The following TBC1D9 variants were observed in gnomAD, a reference collection of about 807,000 sequenced individuals.
TBC1D9 encodes the protein TBC1 domain family member 9A.
Under a neutral mutation model 132.0 loss-of-function variants are expected in TBC1D9, and 63 were observed. The observed-to-expected ratio is 0.48, with a 90% CI of 0.39 to 0.59. The LOEUF (loss-of-function observed/expected upper bound fraction) is 0.59. Ranked by LOEUF, TBC1D9 falls within the 20% of genes least tolerant of loss-of-function variation. TBC1D9 has a pLI of 0.00. For synonymous variants in TBC1D9, 610 were observed against 609.9 expected (o/e 1.00, Z 0.00); for missense variants, 1,261 against 1,592.7 (o/e 0.79, Z 3.54).
At chr4:140,697,676 A>C (rs60789633) in intron 2 of TBC1D9, among the ~76,000 whole-genome samples, 78,220 of 152,116 alleles carry the variant, frequency 0.51, 23,002 homozygotes, top group African/African-American at 0.81. Context: ...TTTGTAACAT[A>C]CAATTCTATC....
At chr4:140,735,426 T>C (rs938204085) in intron 1 of TBC1D9, among the ~76,000 whole-genome samples, 2 of 152,202 alleles carry the variant, frequency 1.3e-5, no homozygotes, top group Non-Finnish European at 2.9e-5. Context: ...TAAGCATATA[T>C]GTCAGCTGGG....
chr4:140,747,244 T>A (rs1738850882), intron 1 of TBC1D9, among the ~76,000 whole-genome samples: 1 of 151,602 alleles, frequency 6.6e-6, no homozygotes, highest in South Asian at 2.1e-4. Context: ...CCTAGCTACT[T>A]GGGAGGCTGA....
chr4:140,667,514 G>T (rs1417007470), intron 9 of TBC1D9, among the ~76,000 whole-genome samples: 1 of 152,220 alleles, frequency 6.6e-6, no homozygotes, highest in Non-Finnish European at 1.5e-5. Flanking sequence ...GAAAAGACTG[G>T]ATGGTAATGA....
chr4:140,691,149 T>A (rs1327049112), intron 2 of TBC1D9, among the ~76,000 whole-genome samples: 2 of 152,096 alleles, frequency 1.3e-5, no homozygotes, highest in Non-Finnish European at 2.9e-5. Flanking sequence ...GAATTCACCA[T>A]CACCATCTGA....
intron 1 of TBC1D9, among the ~76,000 whole-genome samples, chr4:140,707,568 T>C (rs28408341): frequency 0.075 from 11,484 of 152,222 alleles, 529 homozygotes; most frequent in Middle Eastern, 0.13. Flanking sequence ...TGCTGCTCCT[T>C]AGATGTAAGT....
At chr4:140,741,009 T>C (rs6844563) in intron 1 of TBC1D9, among the ~76,000 whole-genome samples, 49,287 of 151,966 alleles carry the variant, frequency 0.32, 8,644 homozygotes, top group East Asian at 0.56. Context: ...ACTTCAAAAG[T>C]AAACTGAAAA....
Position 140,628,135 on chromosome 4 carries a change from T to C in TBC1D9, c.2812+165A>G, listed in dbSNP as rs540873446. On this transcript the variant is annotated intron_variant, in intron 17 of 20. Coordinates refer to ENST00000442267, the MANE Select transcript of TBC1D9 (RefSeq NM_015130.3). Reference sequence around the variant, plus strand: ...GTAAATGACTATACAATCAAGTGCATGCTGATTCAAGAACTTATGGAAATT... The same window carrying C: ...GTAAATGACTATACAATCAAGTGCACGCTGATTCAAGAACTTATGGAAATT... Among the ~76,000 whole-genome samples, 3 of 152,356 alleles carry C rather than the reference T, an allele frequency of 2.0e-5. No homozygotes were observed. The East Asian group carries it at 5.8e-4, about 29-fold the overall frequency.
chr4:140,696,174 C>T (rs980619798), intron 2 of TBC1D9, among the ~76,000 whole-genome samples: 51 of 131,044 alleles, frequency 3.9e-4, no homozygotes, highest in African/African-American at 1.4e-3. Context: ...AAAAAAGAGG[C>T]GGGCCAGGCG....
At chr4:140,665,845 T>TA (rs1201024957) in intron 9 of TBC1D9, among the ~76,000 whole-genome samples, 2 of 150,904 alleles carry the variant, frequency 1.3e-5, no homozygotes, top group African/African-American at 4.9e-5. Flanking sequence ...CCCAGCTAGT[T>TA]AAAAAAAAAA....
chr4:140,648,939 G>A lies in TBC1D9; in HGVS notation c.2337+8158C>T, dbSNP rs556864288. On this transcript the variant is annotated intron_variant, in intron 13 of 20. Transcript: ENST00000442267. ...TCCCACCCCACCATCATTCCTGAGC[G>A]GAACAAGAGTTCCCCTGCCCAGGCT... Among the ~76,000 whole-genome samples, 9 of 152,246 alleles carry A rather than the reference G, an allele frequency of 5.9e-5. No individual in the cohort carries two copies. The East Asian group carries it at 9.7e-4, about 16-fold the overall frequency.
At position 140,622,229 on chromosome 4, in the gene TBC1D9, G is replaced by C; in HGVS notation, c.3767C>G (p.Ala1256Gly). The C allele has an allele frequency of 6.3e-7, 1 of 1,592,540 alleles. No individual in the cohort carries two copies. Among genetic ancestry groups the C allele is most frequent in the Non-Finnish European group, 8.6e-7 (1 of 1,162,252 alleles). Residue 1256 changes from alanine (A) to glycine (G), a missense_variant, in exon 21 of 21, where the codon GCC (alanine) becomes GGC (glycine). Physicochemically the swap from Ala to Gly is moderately conservative, Grantham distance 60. Around this residue, in one of 3 missense-constraint regions of TBC1D9, gnomAD observed 618 missense variants for 724.4 expected, o/e 0.85. Coordinates refer to ENST00000442267, the MANE Select transcript of TBC1D9 (RefSeq NM_015130.3). ...CATGGCCGAGATTTCATAGTCACTGGCCGAGGTGAGGGGCTTGCCCATCAT... is the reference window on the plus strand; with the variant it reads ...CATGGCCGAGATTTCATAGTCACTGCCCGAGGTGAGGGGCTTGCCCATCAT... The part of the protein sequence containing the change: ...IRMMGKPLTS[A>G]SDYEISAMSG
At chr4:140,644,661 G>T in intron 13 of TBC1D9, 1 of 418,892 alleles carries the variant, frequency 2.4e-6, no homozygotes. Context: ...CCAGGGCCTG[G>T]GCCGCCCGCT....
At chr4:140,667,548 T>C (rs894645372) in intron 9 of TBC1D9, among the ~76,000 whole-genome samples, 1 of 152,180 alleles carries the variant, frequency 6.6e-6, no homozygotes, top group Non-Finnish European at 1.5e-5. Context: ...GAATTATAAT[T>C]AGAGATGAGT....
chr4:140,623,329 A>G (rs796395402), intron 20 of TBC1D9, among the ~76,000 whole-genome samples: 16 of 152,230 alleles, frequency 1.1e-4, no homozygotes, highest in African/African-American at 3.9e-4. Context: ...TGGCCTCCCA[A>G]AGTGCTGGAA....
intron 1 of TBC1D9, among the ~76,000 whole-genome samples, chr4:140,708,197 A>T (rs1039193015): frequency 3.3e-5 from 5 of 152,200 alleles, no homozygotes; most frequent in African/African-American, 9.7e-5. Context: ...CCAATATTAT[A>T]AGTTCTAGCA....
chr4:140,631,825 G>A (rs1045741826), intron 16 of TBC1D9, among the ~76,000 whole-genome samples: 5 of 152,070 alleles, frequency 3.3e-5, no homozygotes, highest in East Asian at 1.9e-4. Context: ...TTGAACTCCC[G>A]ACCTCAAGTG....
intron 13 of TBC1D9, among the ~76,000 whole-genome samples, chr4:140,646,682 G>T (rs1737107967): frequency 6.6e-6 from 1 of 152,164 alleles, no homozygotes; most frequent in African/African-American, 2.4e-5. Flanking sequence ...TGAAAGGAAT[G>T]ACCCAGGCAT....
chr4:140,627,879 C>A (rs1282927845), intron 17 of TBC1D9, among the ~76,000 whole-genome samples: 1 of 152,154 alleles, frequency 6.6e-6, no homozygotes, highest in Non-Finnish European at 1.5e-5. Context: ...ATTGTTCGTG[C>A]CAATCTCATC....
chr4:140,651,065 C>T (rs1737180884), intron 13 of TBC1D9, among the ~76,000 whole-genome samples: 1 of 152,168 alleles, frequency 6.6e-6, no homozygotes, highest in Non-Finnish European at 1.5e-5. Context: ...TGGTGTAAGA[C>T]TTTTATGCAC....
Sources: gnomAD v4.1 joint callset for allele counts (sites outside exome capture counted in the v4.1 genomes callset) on GRCh38, gnomAD v4.1.1 for gene constraint, gnomAD v4.1.1 regional missense constraint, MANE v1.5 for transcripts, NCBI Gene and HGNC (gene_info 2026-07-23, HGNC 2026-07-21) for gene names.